The following PTPRD variants were observed in gnomAD, a reference collection of about 807,000 sequenced individuals.
PTPRD encodes receptor-type tyrosine-protein phosphatase delta.
A neutral mutation model predicts 214.5 loss-of-function variants in PTPRD; 34 were observed. That is an observed-to-expected ratio of 0.16 (90% CI 0.12 to 0.21). The LOEUF is 0.21. Ranked by LOEUF, PTPRD falls within the 10% of genes least tolerant of loss-of-function variation. The pLI is 1.00. For synonymous variants in PTPRD, 1,128 were observed against 845.7 expected (o/e 1.33, Z -5.79); for missense variants, 2,545 against 2,398.7 (o/e 1.06, Z -1.27).
At chr9:9,868,392 A>G (rs1202592214) in intron 5 of PTPRD, among the ~76,000 whole-genome samples, 1 of 152,178 alleles carries the variant, frequency 6.6e-6, no homozygotes, top group Non-Finnish European at 1.5e-5. Context: ...ATTTTGCTAT[A>G]TACACTGAAG....
At chr9:10,273,827 T>TTA (rs1204247132) in intron 3 of PTPRD, among the ~76,000 whole-genome samples, 1 of 152,150 alleles carries the variant, frequency 6.6e-6, no homozygotes, top group Non-Finnish European at 1.5e-5. Context: ...ATGGCCTTGC[T>TTA]TATATCTTGA....
At position 8,376,178 on chromosome 9, in the gene PTPRD, T is replaced by A. The variant is rs187962592; in HGVS notation, c.4507-88A>T. ...ACAGGGAAGAGGTAATGCTAAAATG[T>A]GCTATTTTAATTCCTTTCTACCACC... On this transcript the variant is annotated intron_variant, in intron 38 of 45. Transcript: ENST00000381196. The A allele has an allele frequency of 3.9e-5, 57 of 1,473,160 alleles. No homozygotes were observed. The East Asian group carries it at 1.2e-3, about 31-fold the overall frequency. 91.3% of individuals were successfully genotyped at this position (1,473,160 alleles called of 1,614,324 possible).
intron 2 of PTPRD, among the ~76,000 whole-genome samples, chr9:10,564,194 T>TTTTTTA (rs1179302933): frequency 7.3e-6 from 1 of 137,604 alleles, no homozygotes; most frequent in African/African-American, 2.7e-5. Flanking sequence ...TTTTTTTTTT[T>TTTTTTA]TGAGACATAG....
intron 7 of PTPRD, among the ~76,000 whole-genome samples, chr9:9,581,282 GC>G (rs1038007442): frequency 1.3e-5 from 2 of 151,964 alleles, no homozygotes; most frequent in African/African-American, 4.8e-5. Context: ...AGAGTTTTCT[GC>G]CAATAAATTT....
At chr9:8,686,041 G>C (rs950905623) in intron 12 of PTPRD, among the ~76,000 whole-genome samples, 1 of 152,176 alleles carries the variant, frequency 6.6e-6, no homozygotes, top group Non-Finnish European at 1.5e-5. Context: ...AATGCTAAGG[G>C]ACTCTCCTAA....
intron 8 of PTPRD, among the ~76,000 whole-genome samples, chr9:9,404,771 C>T (rs1800703546): frequency 6.6e-6 from 1 of 151,980 alleles, no homozygotes; most frequent in African/African-American, 2.4e-5. Flanking sequence ...TTGGAGAGTA[C>T]ATAGGTAGCA....
At chr9:9,186,925 T>G (rs1433710734) in intron 9 of PTPRD, among the ~76,000 whole-genome samples, 1 of 151,920 alleles carries the variant, frequency 6.6e-6, no homozygotes, top group Non-Finnish European at 1.5e-5. Context: ...TTTTTTTATA[T>G]TTACTATATG....
In PTPRD at chr9:9,073,090, G is replaced by T. The variant is rs974346700; in HGVS notation, c.-142-54355C>A. 2.0e-5 allele frequency among the ~76,000 whole-genome samples: 3 copies of T among 152,140 alleles called. No homozygotes were observed. The South Asian group carries it at 6.2e-4, about 32-fold the overall frequency. On this transcript the variant is annotated intron_variant, in intron 10 of 45. Coordinates refer to ENST00000381196, the MANE Select transcript of PTPRD (RefSeq NM_002839.4). ...AAGAAATCAGTGGAGAAATAAAAAG[G>T]GGTAAAGAAAGACGAGAGAATGTTG... is the stretch of plus-strand genomic sequence containing the variant.
chr9:8,587,239 C>T (rs542646206), intron 14 of PTPRD, among the ~76,000 whole-genome samples: 14 of 152,154 alleles, frequency 9.2e-5, no homozygotes, highest in Non-Finnish European at 1.8e-4. Context: ...TATTCAACTA[C>T]TTACAAATAA....
At chr9:8,643,820 C>A (rs1331856667) in intron 12 of PTPRD, among the ~76,000 whole-genome samples, 1 of 152,208 alleles carries the variant, frequency 6.6e-6, no homozygotes, top group East Asian at 1.9e-4. Context: ...CTGCAGATGC[C>A]CCTTGGCGTG....
In PTPRD at chr9:9,357,754, G is replaced by C. The variant is rs2054388950; in HGVS notation, c.-203+39695C>G. On this transcript the variant is annotated intron_variant, in intron 9 of 45. Transcript: ENST00000381196. The stretch of plus-strand genomic sequence containing the variant: ...ACACAGTTAAGAGGGCAATAGTGCA[G>C]ACTATTTTAGGTTGACCCTGTCTCA... Among the ~76,000 whole-genome samples the C allele has an allele frequency of 7.3e-5, 11 of 150,788 alleles. No homozygotes were observed. The Admixed American group carries it at 7.3e-4, about 10-fold the overall frequency.
intron 39 of PTPRD, among the ~76,000 whole-genome samples, chr9:8,371,252 AAC>A (rs1478653737): frequency 6.6e-6 from 1 of 152,088 alleles, no homozygotes; most frequent in Non-Finnish European, 1.5e-5. Context: ...CTAAGGTGAA[AAC>A]ACAAACCAAA....
intron 11 of PTPRD, among the ~76,000 whole-genome samples, chr9:8,876,219 T>TGC (rs2098387962): frequency 8.3e-6 from 1 of 119,818 alleles, no homozygotes; most frequent in Non-Finnish European, 1.9e-5. Context: ...TGAGTATGTG[T>TGC]GTGTGTGTTG....
At chr9:8,494,679 T>C (rs139733001) in intron 26 of PTPRD, among the ~76,000 whole-genome samples, 194 of 152,326 alleles carry the variant, frequency 1.3e-3, no homozygotes, top group Middle Eastern at 6.8e-3. Context: ...TATCATGAAA[T>C]TGGAGTTAAC....
intron 5 of PTPRD, among the ~76,000 whole-genome samples, chr9:9,896,269 A>G (rs2074948919): frequency 6.6e-6 from 1 of 152,204 alleles, no homozygotes; most frequent in East Asian, 1.9e-4. Context: ...CAAATGAAAG[A>G]CTTCGGAAAG....
intron 37 of PTPRD, 101 bp from the exon 38 acceptor site, chr9:8,376,827 A>G (rs2083393524): frequency 4.1e-6 from 6 of 1,469,850 alleles, no homozygotes; most frequent in Non-Finnish European, 5.6e-6. Flanking sequence ...TCTGCACTTC[A>G]TTTTATGTTG....
At chr9:9,562,888 A>G (rs2083339764) in intron 8 of PTPRD, among the ~76,000 whole-genome samples, 1 of 152,092 alleles carries the variant, frequency 6.6e-6, no homozygotes, top group Non-Finnish European at 1.5e-5. Flanking sequence ...ATCTCTCCAC[A>G]CTGGAATCCA....
intron 8 of PTPRD, among the ~76,000 whole-genome samples, chr9:9,489,159 T>C (rs566373821): frequency 2.0e-5 from 3 of 152,302 alleles, no homozygotes; most frequent in African/African-American, 7.2e-5. Context: ...AGTAACTGTA[T>C]GCCCAGGAAA....
At chr9:10,113,636 G>A (rs950088619) in intron 3 of PTPRD, among the ~76,000 whole-genome samples, 10 of 152,122 alleles carry the variant, frequency 6.6e-5, no homozygotes, top group African/African-American at 1.9e-4. Context: ...GAAGCAAAGC[G>A]ACTGTTTACA....
Sources: allele counts gnomAD v4.1 joint callset (sites outside exome capture counted in the v4.1 genomes callset), GRCh38; gene constraint gnomAD v4.1.1; transcripts MANE v1.5; gene names NCBI Gene and HGNC (gene_info 2026-07-23, HGNC 2026-07-21).